Variants in PRSS38 observed in about 807,000 individuals in gnomAD.
PRSS38 encodes the protein marapsin 2.
Under a neutral mutation model 26.8 loss-of-function variants are expected in PRSS38, and 22 were observed. The ratio of observed to expected loss-of-function variants is 0.82; its 90% CI spans 0.59 to 1.17. PRSS38 has a LOEUF of 1.17. PRSS38 is among the 50% of genes most tolerant of loss of function. The probability of loss-of-function intolerance (pLI) is 0.00; values close to 1 mark genes in which losing one functional copy is unlikely to be tolerated. For missense variants in PRSS38, 427 were observed against 422.7 expected (o/e 1.01, Z -0.09); for synonymous variants, 175 against 172.1 (o/e 1.02, Z -0.13).
chr1:227,827,278 C>T (rs1572084144), intron 3 of PRSS38, among the ~76,000 whole-genome samples: 1 of 152,130 alleles, frequency 6.6e-6, no homozygotes. Context: ...CTTTGTACCT[C>T]TGGTAGAATT....
At chr1:227,832,317 G>A (rs974519190) in intron 3 of PRSS38, among the ~76,000 whole-genome samples, 3 of 151,794 alleles carry the variant, frequency 2.0e-5, no homozygotes, top group African/African-American at 7.3e-5. Flanking sequence ...TGATTTTGTG[G>A]ATTTAAATTT....
rs79840641 is a variant in PRSS38, at chr1:227,816,138, C to A, written c.197C>A (p.Ala66Glu). ...GGGAAAATCCTGGGCGGCGTCCCTG[C>A]GCCCGAGAGGAAGTGGCCGTGGCAG... is the stretch of plus-strand genomic sequence containing the variant. Residue 66 changes from alanine (A) to glutamate (E), a missense_variant, in exon 2 of 5, where the codon GCG (alanine) becomes GAG (glutamate). Coordinates refer to ENST00000366757, the Ensembl canonical transcript of PRSS38. The surrounding 1 kb of genome is among the most constrained non-coding windows in gnomAD (Gnocchi z 5.1). The A allele has an allele frequency of 1.2e-6, 2 of 1,613,602 alleles. No individual in the cohort carries two copies. Among genetic ancestry groups the A allele is most frequent in the Admixed American group, 3.3e-5 (2 of 60,008 alleles).
chr1:227,819,566 G>A (rs1267786185), intron 3 of PRSS38, among the ~76,000 whole-genome samples: 2 of 152,120 alleles, frequency 1.3e-5, no homozygotes, highest in Non-Finnish European at 2.9e-5. Context: ...GTTGAGTAAT[G>A]TTGACATTTT....
At chr1:227,828,463 C>T (rs1283820260) in intron 3 of PRSS38, among the ~76,000 whole-genome samples, 1 of 152,190 alleles carries the variant, frequency 6.6e-6, no homozygotes, top group Non-Finnish European at 1.5e-5. Flanking sequence ...CAGCATCATT[C>T]TGTGAGCCTC....
chr1:227,840,314 G>T (rs143703308), intron 3 of PRSS38, among the ~76,000 whole-genome samples: 3,062 of 151,930 alleles, frequency 0.02, 123 homozygotes, highest in African/African-American at 0.069. Context: ...TAGAGATGGG[G>T]GTCTCACTAT....
intron 4 of PRSS38, 114 bp from the exon 5 acceptor site, chr1:227,845,840 C>T: frequency 7.0e-7 from 1 of 1,437,832 alleles, no homozygotes; most frequent in Non-Finnish European, 9.4e-7. Context: ...GAGGGGGGCA[C>T]TGGCCCCTTC....
intron 3 of PRSS38, among the ~76,000 whole-genome samples, chr1:227,844,000 A>G (rs981544494): frequency 6.6e-6 from 1 of 152,214 alleles, no homozygotes; most frequent in African/African-American, 2.4e-5. Context: ...AACAACAGTA[A>G]CAACAACAAC....
At chr1:227,831,808 C>T (rs549978615) in intron 3 of PRSS38, among the ~76,000 whole-genome samples, 7 of 152,224 alleles carry the variant, frequency 4.6e-5, no homozygotes, top group Admixed American at 2.6e-4. Flanking sequence ...GCCAAGATTA[C>T]ACCACTGCAC....
At chr1:227,829,255 A>G (rs1261914996) in intron 3 of PRSS38, among the ~76,000 whole-genome samples, 2 of 152,148 alleles carry the variant, frequency 1.3e-5, no homozygotes, top group East Asian at 3.9e-4. Context: ...TTCCACCAGC[A>G]GTGTATAAGC....
chr1:227,838,388 A>G (rs1283063981), intron 3 of PRSS38, among the ~76,000 whole-genome samples: 1 of 152,186 alleles, frequency 6.6e-6, no homozygotes, highest in African/African-American at 2.4e-5. Context: ...GGTGCTGTCC[A>G]TGGCCCTCTC....
intron 2 of PRSS38, 57 bp from the exon 3 acceptor site, chr1:227,817,150 CCT>C: frequency 6.4e-7 from 1 of 1,568,716 alleles, no homozygotes; most frequent in Non-Finnish European, 8.7e-7. Context: ...CCTCCCCAGG[CCT>C]GTGGGCTGAC....
At chr1:227,829,134 G>A (rs1189203015) in intron 3 of PRSS38, among the ~76,000 whole-genome samples, 1 of 152,094 alleles carries the variant, frequency 6.6e-6, no homozygotes, top group Non-Finnish European at 1.5e-5. Context: ...CGAGAACCTG[G>A]ATATTTCAGT....
chr1:227,840,948 A>C (rs1292840908), intron 3 of PRSS38, among the ~76,000 whole-genome samples: 1 of 152,200 alleles, frequency 6.6e-6, no homozygotes, highest in African/African-American at 2.4e-5. Flanking sequence ...TTCTACTGTG[A>C]GTGCTGCTAG....
At chr1:227,817,546 T>C (rs1226848461) in intron 3 of PRSS38, 66 bp downstream of exon 3, 7 of 1,547,324 alleles carry the variant, frequency 4.5e-6, no homozygotes, top group African/African-American at 4.1e-5. Flanking sequence ...GGGAAGAAAA[T>C]GCTCTGCCAG....
At chr1:227,817,398 C>A in exon 3 of PRSS38, 1 of 1,614,176 alleles carries the variant, frequency 6.2e-7, no homozygotes, top group Middle Eastern at 1.6e-4. Context: ...AGTCCGTGCT[C>A]CCGGTTTGCC....
chr1:227,829,188 G>A (rs1665116360), intron 3 of PRSS38, among the ~76,000 whole-genome samples: 1 of 152,172 alleles, frequency 6.6e-6, no homozygotes, highest in Non-Finnish European at 1.5e-5. Context: ...CTCTCTGTGA[G>A]TGCCACAGAC....
At chr1:227,838,429 G>A (rs566105433) in intron 3 of PRSS38, among the ~76,000 whole-genome samples, 4 of 152,312 alleles carry the variant, frequency 2.6e-5, no homozygotes, top group Admixed American at 2.6e-4. Flanking sequence ...GAGCGTTGTA[G>A]TCTAGTGGTC....
At chr1:227,838,044 T>C (rs776129063) in intron 3 of PRSS38, among the ~76,000 whole-genome samples, 6 of 152,068 alleles carry the variant, frequency 3.9e-5, no homozygotes, top group Non-Finnish European at 8.8e-5. Flanking sequence ...TCGTGAGCCA[T>C]TGCACCTGGC....
chr1:227,821,627 G>GT (rs1048439771), intron 3 of PRSS38, among the ~76,000 whole-genome samples: 1 of 152,022 alleles, frequency 6.6e-6, no homozygotes, highest in African/African-American at 2.4e-5. Context: ...TGGTTGAAAG[G>GT]TTTTTTCTTT....
Sources: allele counts gnomAD v4.1 joint callset (sites outside exome capture counted in the v4.1 genomes callset), GRCh38; gene constraint gnomAD v4.1.1; non-coding constraint Gnocchi (gnomAD v3.1); transcripts MANE v1.5; gene names NCBI Gene and HGNC (gene_info 2026-07-23, HGNC 2026-07-21).